MKLN1: variants seen among roughly 807,000 people sequenced by gnomAD.
The protein encoded by MKLN1 is muskelin 1, also known as muskelin.
Under a neutral mutation model 99.0 loss-of-function variants are expected in MKLN1, and 18 were observed. The ratio of observed to expected loss-of-function variants is 0.18; its 90% CI spans 0.13 to 0.27. The LOEUF is 0.27. Among genes scored for constraint, MKLN1 ranks in the 10% least tolerant of loss-of-function variants. The probability of loss-of-function intolerance (pLI) is 1.00; values close to 1 mark genes in which losing one functional copy is unlikely to be tolerated. For synonymous variants in MKLN1, 288 were observed against 293.2 expected (o/e 0.98, Z 0.18); for missense variants, 621 against 875.9 (o/e 0.71, Z 3.67).
chr7:131,131,298 G>A lies in MKLN1; in HGVS notation c.-418-11522G>A, dbSNP rs569710983. ...AGGCTGAGGAGGGAGTATCACTTGA[G>A]CCCAGGAGTTCAAGGCTGCAGTGAG... On this transcript the variant is annotated intron_variant, in intron 1 of 7. Coordinates refer to the MKLN1 transcript ENST00000416992. Among the ~76,000 whole-genome samples the A allele has an allele frequency of 5.3e-4, 81 of 151,692 alleles. 2 individuals carry two copies. The South Asian group carries it at 0.01, about 19-fold the overall frequency.
intron 2 of MKLN1, among the ~76,000 whole-genome samples, chr7:131,161,963 G>GTGTA (rs1184658051): frequency 2.7e-5 from 3 of 109,294 alleles, no homozygotes; most frequent in Non-Finnish European, 5.6e-5. Context: ...GTGTGTGTGT[G>GTGTA]TATATATATA....
At chr7:131,397,657 G>C (rs1480353922) in intron 5 of MKLN1, among the ~76,000 whole-genome samples, 5 of 152,136 alleles carry the variant, frequency 3.3e-5, no homozygotes, top group African/African-American at 1.2e-4. Flanking sequence ...TCACACAATT[G>C]TAAAGTGTTT....
At chr7:131,132,577 G>T (rs1481287073) in intron 1 of MKLN1, among the ~76,000 whole-genome samples, 2 of 152,180 alleles carry the variant, frequency 1.3e-5, no homozygotes, top group Non-Finnish European at 2.9e-5. Context: ...TTATACTTGT[G>T]TGGCTCCAGA....
At chr7:131,449,040 T>C (rs1796101742) in intron 12 of MKLN1, among the ~76,000 whole-genome samples, 1 of 152,178 alleles carries the variant, frequency 6.6e-6, no homozygotes, top group East Asian at 1.9e-4. Context: ...GTGAATAAAA[T>C]ACACTGGATG....
rs1356475532 is a variant in MKLN1 at position 131,496,299 on chromosome 7, CAG to C, written c.*8573_*8574del. On this transcript the variant is annotated 3_prime_UTR_variant, in exon 18 of 18. Coordinates refer to ENST00000352689, the MANE Select transcript of MKLN1 (RefSeq NM_013255.5). ...GCATGAGCTGGTTGGAGCTTTTAAA[CAG>C]AAGTGCTTTATGGGTATCAGATCTC... 1 of 152,082 alleles carries C rather than the reference CAG, an allele frequency of 6.6e-6. No individual in the cohort carries two copies. Among genetic ancestry groups the C allele is most frequent in the East Asian group, 1.9e-4 (1 of 5,190 alleles). 9.4% of individuals were successfully genotyped at this position (152,082 alleles called of 1,614,324 possible).
At chr7:131,256,830 G>A (rs1038792525) in intron 3 of MKLN1, among the ~76,000 whole-genome samples, 1 of 152,104 alleles carries the variant, frequency 6.6e-6, no homozygotes, top group African/African-American at 2.4e-5. Flanking sequence ...GCTAAAAAGG[G>A]TTGAAAAACT....
At chr7:131,119,910 T>C (rs1035418990) in intron 1 of MKLN1, among the ~76,000 whole-genome samples, 1 of 152,228 alleles carries the variant, frequency 6.6e-6, no homozygotes, top group African/African-American at 2.4e-5. Context: ...TTCTGCTGCA[T>C]GGTCAGGCTG....
chr7:131,252,401 T>C (rs1044163116), intron 3 of MKLN1, among the ~76,000 whole-genome samples: 1 of 148,404 alleles, frequency 6.7e-6, no homozygotes, highest in Non-Finnish European at 1.5e-5. Context: ...TGATCTCGGC[T>C]CACTGCAACC....
chr7:131,172,204 G>A (rs1796225781), intron 2 of MKLN1, among the ~76,000 whole-genome samples: 2 of 152,058 alleles, frequency 1.3e-5, no homozygotes, highest in South Asian at 4.2e-4. Context: ...GCAGTGACAC[G>A]AACTCGGCTC....
chr7:131,222,804 G>A (rs1271816254), intron 3 of MKLN1, among the ~76,000 whole-genome samples: 1 of 149,976 alleles, frequency 6.7e-6, no homozygotes, highest in Non-Finnish European at 1.5e-5. Context: ...ATCACCTGAG[G>A]TCAGGAGTTC....
rs150148634 is a variant in MKLN1, at chr7:131,473,724, A to G, written c.2031+2780A>G. On this transcript the variant is annotated intron_variant, in intron 16 of 17. Coordinates refer to ENST00000352689, the MANE Select transcript of MKLN1 (RefSeq NM_013255.5). ...AACAGTTGTGTATCGATTCCCCATAATAGGTCAGGCATTCTAGGCAGAGGA... is the reference window on the plus strand; with the variant it reads ...AACAGTTGTGTATCGATTCCCCATAGTAGGTCAGGCATTCTAGGCAGAGGA... Among the ~76,000 whole-genome samples, 955 of 152,290 alleles carry G rather than the reference A, an allele frequency of 6.3e-3. 5 individuals are homozygous for G. Among genetic ancestry groups the G allele is most frequent in the Non-Finnish European group, 0.011 (740 of 68,024 alleles).
chr7:131,418,304 G>C (rs1795082894), intron 8 of MKLN1, among the ~76,000 whole-genome samples: 1 of 151,306 alleles, frequency 6.6e-6, no homozygotes, highest in Non-Finnish European at 1.5e-5. Flanking sequence ...GGGAGGCGGA[G>C]GTTGCAGTGA....
At chr7:131,468,742 G>A (rs1178455898) in intron 15 of MKLN1, among the ~76,000 whole-genome samples, 2 of 152,192 alleles carry the variant, frequency 1.3e-5, no homozygotes, top group Admixed American at 1.3e-4. Flanking sequence ...ATTCTAGGCT[G>A]CAGACACAAG....
chr7:131,489,526 C>A lies in MKLN1; in HGVS notation c.*1798C>A, dbSNP rs1272980654. 1 of 152,096 alleles carries A rather than the reference C, an allele frequency of 6.6e-6. No individual in the cohort carries two copies. The highest frequency in any genetic ancestry group is 1.5e-5 in the Non-Finnish European group (1 of 68,004). The allele number at this position is 152,096 out of a possible 1,614,324, so 9.4% of individuals were successfully genotyped here. A position where few individuals can be genotyped will look rare whatever the true frequency, so the allele number is the denominator to read the frequency against. Reference sequence around the variant, plus strand: ...TAAAATGTTAATATCACTAATATAGCCTGTTAAATCTTTTGTGGAGACAGG... The same window carrying A: ...TAAAATGTTAATATCACTAATATAGACTGTTAAATCTTTTGTGGAGACAGG... On this transcript the variant is annotated 3_prime_UTR_variant, in exon 18 of 18. Coordinates refer to ENST00000352689, the MANE Select transcript of MKLN1 (RefSeq NM_013255.5).
At chr7:131,377,536 G>C (rs1441336889) in intron 2 of MKLN1, among the ~76,000 whole-genome samples, 1 of 151,922 alleles carries the variant, frequency 6.6e-6, no homozygotes, top group Non-Finnish European at 1.5e-5. Flanking sequence ...TGGTATGTTA[G>C]TGTTTTTCAT....
chr7:131,243,516 C>T (rs965666361), intron 3 of MKLN1, among the ~76,000 whole-genome samples: 7 of 152,128 alleles, frequency 4.6e-5, no homozygotes, highest in Non-Finnish European at 1.0e-4. Flanking sequence ...CTCAATAGCA[C>T]ATTGAGCATT....
intron 2 of MKLN1, among the ~76,000 whole-genome samples, chr7:131,188,564 G>C (rs1188956877): frequency 6.6e-6 from 1 of 152,228 alleles, no homozygotes; most frequent in African/African-American, 2.4e-5. Context: ...GGTTTCAGAG[G>C]AGAGCCGAAG....
chr7:131,311,497 A>G (rs77073050), intron 3 of MKLN1, among the ~76,000 whole-genome samples: 6,575 of 152,244 alleles, frequency 0.043, 433 homozygotes, highest in African/African-American at 0.15. Flanking sequence ...AAACACCATT[A>G]TTTCTTTGAC....
chr7:131,134,641 C>A (rs1795620237), intron 1 of MKLN1, among the ~76,000 whole-genome samples: 1 of 152,152 alleles, frequency 6.6e-6, no homozygotes, highest in African/African-American at 2.4e-5. Context: ...TACTCCCAAA[C>A]CTCTATCTAA....
Sources: allele counts gnomAD v4.1 joint callset (sites outside exome capture counted in the v4.1 genomes callset), GRCh38; gene constraint gnomAD v4.1.1; transcripts MANE v1.5; gene names NCBI Gene and HGNC (gene_info 2026-07-23, HGNC 2026-07-21).